The following SLIT1 variants were observed in gnomAD, a reference collection of about 807,000 sequenced individuals.
SLIT1 encodes slit homolog 1 protein.
Under a neutral mutation model 186.1 loss-of-function variants are expected in SLIT1, and 66 were observed. The ratio of observed to expected loss-of-function variants is 0.35; its 90% CI spans 0.29 to 0.44. SLIT1 has a LOEUF of 0.44. Among genes scored for constraint, SLIT1 ranks in the 20% least tolerant of loss-of-function variants. SLIT1 has a pLI of 1.00. For missense variants in SLIT1, 1,638 were observed against 2,037.4 expected (o/e 0.80, Z 3.77); for synonymous variants, 761 against 833.8 (o/e 0.91, Z 1.50).
intron 13 of SLIT1, among the ~76,000 whole-genome samples, chr10:97,054,722 C>T (rs897862397): frequency 6.6e-6 from 1 of 152,174 alleles, no homozygotes; most frequent in Non-Finnish European, 1.5e-5. Flanking sequence ...TGTGAAACTA[C>T]ACCACAGGGA....
chr10:97,133,607 T>C (rs1166986937), intron 4 of SLIT1, among the ~76,000 whole-genome samples: 1 of 152,222 alleles, frequency 6.6e-6, no homozygotes, highest in Non-Finnish European at 1.5e-5. Flanking sequence ...AACTTAACAT[T>C]ACTGAACAGT....
chr10:97,141,742 G>T (rs574441574), intron 4 of SLIT1, among the ~76,000 whole-genome samples: 1 of 148,650 alleles, frequency 6.7e-6, no homozygotes, highest in African/African-American at 2.6e-5. Flanking sequence ...GTATTGTATC[G>T]TATCGTATCG....
intron 13 of SLIT1, among the ~76,000 whole-genome samples, chr10:97,052,790 AT>A (rs1352922553): frequency 1.3e-5 from 2 of 152,252 alleles, no homozygotes; most frequent in Non-Finnish European, 2.9e-5. Context: ...GTTTAATAAA[AT>A]AAGACTCAGT....
At chr10:97,078,845 T>C (rs1488411236) in intron 4 of SLIT1, among the ~76,000 whole-genome samples, 1 of 152,188 alleles carries the variant, frequency 6.6e-6, no homozygotes, top group Admixed American at 6.5e-5. Flanking sequence ...TGGAGGCCCC[T>C]GGTGACCTGC....
chr10:97,177,656 A>G (rs962122665), intron 1 of SLIT1, among the ~76,000 whole-genome samples: 7 of 152,318 alleles, frequency 4.6e-5, no homozygotes, highest in Middle Eastern at 3.4e-3. Flanking sequence ...CATATACACC[A>G]CAGAGTACTA....
At position 97,004,856 on chromosome 10, in the gene SLIT1, AC is replaced by A. The variant is rs1848346126; in HGVS notation, c.3580-34del. ...GCAGTGGCACTTTCTCTCCCACCCC[AC>A]CCCATGCAGCAGCGGCACAGGCTAG... On this transcript the variant is annotated intron_variant, in intron 32 of 36. Coordinates refer to ENST00000266058, the MANE Select transcript of SLIT1 (RefSeq NM_003061.3). This position sits in a 1 kb window ranked among gnomAD's most constrained non-coding sequence, Gnocchi z 5.1. The A allele has an allele frequency of 6.2e-7, 1 of 1,613,310 alleles. No homozygotes were observed. Among genetic ancestry groups the A allele is most frequent in the African/African-American group, 1.3e-5 (1 of 74,928 alleles).
chr10:97,009,054 A>G (rs930094374), intron 31 of SLIT1, among the ~76,000 whole-genome samples: 1 of 151,750 alleles, frequency 6.6e-6, no homozygotes, highest in Admixed American at 6.6e-5. Flanking sequence ...TAATTTTTGT[A>G]TTTTAATAGA....
In SLIT1 at chr10:97,185,692, C is replaced by CA; in HGVS notation, c.-19_-18insT. The CA allele has an allele frequency of 6.7e-7, 1 of 1,485,374 alleles. No homozygotes were observed. Among genetic ancestry groups the CA allele is most frequent in the Non-Finnish European group, 8.9e-7 (1 of 1,126,428 alleles). The allele number at this position is 1,485,374 out of a possible 1,614,324, so 92.0% of individuals were successfully genotyped here. ...AGCGCCATGGTGCCCTCACAGCGTC[C>CA]CGCTCGCGAGCCAGACGGCAGCAGC... is the stretch of plus-strand genomic sequence containing the variant. On this transcript the variant is annotated 5_prime_UTR_variant, in exon 1 of 37. Coordinates refer to ENST00000266058, the MANE Select transcript of SLIT1 (RefSeq NM_003061.3).
intron 2 of SLIT1, 63 bp downstream of exon 2, chr10:97,164,756 G>T: frequency 7.9e-7 from 1 of 1,268,708 alleles, no homozygotes; most frequent in Non-Finnish European, 1.2e-6. Flanking sequence ...CACAGCCAGG[G>T]CCCTGCCCAG....
Position 97,021,634 on chromosome 10 carries a change from C to T in SLIT1, c.2583-221G>A, listed in dbSNP as rs1259283620. The stretch of plus-strand genomic sequence containing the variant: ...CTGGAGTGCAGTGGCGTAATATCAG[C>T]TCACTGCAACCTCTGCCTCCCAGGT... On this transcript the variant is annotated intron_variant, in intron 25 of 36. Transcript: ENST00000266058. The surrounding 1 kb of genome is among the most constrained non-coding windows in gnomAD (Gnocchi z 4.5). 6.6e-6 allele frequency among the ~76,000 whole-genome samples: 1 copy of T among 151,534 alleles called. No individual in the cohort carries two copies. Among genetic ancestry groups the T allele is most frequent in the African/African-American group, 2.4e-5 (1 of 41,116 alleles).
At chr10:97,037,808 C>G in intron 21 of SLIT1, 42 bp from the exon 22 acceptor site, 5 of 1,519,794 alleles carry the variant, frequency 3.3e-6, no homozygotes, top group Non-Finnish European at 4.5e-6. Flanking sequence ...ATCTCCACCT[C>G]TGGTGGTGCC....
intron 4 of SLIT1, among the ~76,000 whole-genome samples, chr10:97,116,669 G>A (rs1339469693): frequency 6.6e-6 from 1 of 152,232 alleles, no homozygotes; most frequent in Non-Finnish European, 1.5e-5. Context: ...CTGCCATGCA[G>A]TCGGGCTCCC....
intron 4 of SLIT1, among the ~76,000 whole-genome samples, chr10:97,107,975 G>A (rs1849430129): frequency 6.6e-6 from 1 of 152,210 alleles, no homozygotes; most frequent in Non-Finnish European, 1.5e-5. Flanking sequence ...AAGGGGTGAG[G>A]CTCCGGTCCG....
chr10:97,083,883 G>A (rs1265224868), intron 4 of SLIT1, among the ~76,000 whole-genome samples: 1 of 152,198 alleles, frequency 6.6e-6, no homozygotes, highest in Non-Finnish European at 1.5e-5. Flanking sequence ...AGAATGAAGA[G>A]TGTGGTGGGA....
chr10:97,078,354 C>T (rs956679515), intron 4 of SLIT1, among the ~76,000 whole-genome samples: 1 of 152,122 alleles, frequency 6.6e-6, no homozygotes, highest in Non-Finnish European at 1.5e-5. Flanking sequence ...GTGGCAGCCC[C>T]CTCCTTCTCC....
chr10:97,012,092 AC>A (rs1299191078), intron 30 of SLIT1, among the ~76,000 whole-genome samples: 42 of 146,340 alleles, frequency 2.9e-4, no homozygotes, highest in African/African-American at 1.1e-3. Flanking sequence ...ACACACACAC[AC>A]ACACACACAC....
chr10:97,093,381 T>C (rs1187276646), intron 4 of SLIT1, among the ~76,000 whole-genome samples: 2 of 152,260 alleles, frequency 1.3e-5, no homozygotes, highest in African/African-American at 4.8e-5. Context: ...TTCCCTTGCA[T>C]CTTGGAGTAG....
intron 4 of SLIT1, among the ~76,000 whole-genome samples, chr10:97,109,147 A>T (rs1408414767): frequency 6.6e-6 from 1 of 151,886 alleles, no homozygotes; most frequent in Non-Finnish European, 1.5e-5. Flanking sequence ...CCAGGAGTTC[A>T]AGACCAGCCT....
In SLIT1 at chr10:97,018,968, TCTG is replaced by T. The variant is rs1564654692; in HGVS notation, c.2871+12_2871+14del. On this transcript the variant is annotated intron_variant, in intron 27 of 36. Coordinates refer to ENST00000266058, the MANE Select transcript of SLIT1 (RefSeq NM_003061.3). ...CGAAGAGCCCTCCTCCTCCCCGGCCTCTGCCTCCACTCACCTTATAGCCGCTGG... is the reference window on the plus strand; with the variant it reads ...CGAAGAGCCCTCCTCCTCCCCGGCCTCCTCCACTCACCTTATAGCCGCTGG... The T allele has an allele frequency of 6.5e-7, 1 of 1,535,806 alleles. No homozygotes were observed. The highest frequency in any genetic ancestry group is 1.7e-5 in the Admixed American group (1 of 59,648).
Sources: gnomAD v4.1 joint callset for allele counts (sites outside exome capture counted in the v4.1 genomes callset) on GRCh38, gnomAD v4.1.1 for gene constraint, Gnocchi (gnomAD v3.1) non-coding constraint, MANE v1.5 for transcripts, NCBI Gene and HGNC (gene_info 2026-07-23, HGNC 2026-07-21) for gene names.